NRIP1: variants seen among roughly 807,000 people sequenced by gnomAD.
The protein encoded by NRIP1 is nuclear receptor-interacting protein 1.
NRIP1 carries 28 observed loss-of-function variants against 75.0 expected under a neutral mutation model. That is an observed-to-expected ratio of 0.37 (90% confidence interval 0.28 to 0.51). NRIP1 has a LOEUF of 0.51. Among genes scored for constraint, NRIP1 ranks in the 20% least tolerant of loss-of-function variants. The probability of loss-of-function intolerance (pLI) is 0.92; values close to 1 mark genes in which losing one functional copy is unlikely to be tolerated. For missense variants in NRIP1, 1,435 were observed against 1,343.7 expected, an observed-to-expected ratio of 1.07 and a Z score of -1.06; for synonymous variants, 526 against 487.6, an observed-to-expected ratio of 1.08 and a Z score of -1.04.
At chr21:15,065,428 G>C (rs907910371), upstream of NRIP1, among the ~76,000 whole-genome samples, 1 of 152,056 alleles carries the variant, frequency 6.6e-6, no homozygotes, top group Non-Finnish European at 1.5e-5. Flanking sequence ...GCGCTCTTGG[G>C]ACCCAGGCCG....
Position 14,964,949 on chromosome 21 carries a change from G to A in NRIP1, c.3244C>T (p.Arg1082Ter). ...LQKGGNSVTS[R>*]ETQDKDIWRE... is the part of the protein sequence containing the mutation. ...CAAATGTCCTTGTCTTGTGTTTCTC[G>A]ACTGGTAACAGAATTGCCTCCTTTT... Residue 1082 changes from arginine (R) to a stop codon, truncating the protein, a stop_gained, in exon 4 of 4, where the codon CGA becomes TGA. Coordinates refer to ENST00000318948, the MANE Select transcript of NRIP1 (RefSeq NM_003489.4). LOFTEE classifies it high-confidence loss of function. 5 of 1,613,836 alleles carry A rather than the reference G, an allele frequency of 3.1e-6. No homozygotes were observed. Among genetic ancestry groups the A allele is most frequent in the Non-Finnish European group, 4.2e-6 (5 of 1,179,864 alleles).
At chr21:15,004,117 A>C (rs2087911612) in intron 3 of NRIP1, among the ~76,000 whole-genome samples, 1 of 152,164 alleles carries the variant, frequency 6.6e-6, no homozygotes, top group Non-Finnish European at 1.5e-5. Flanking sequence ...TAGGAGAAAA[A>C]TCCTTCAGAA....
At chr21:15,037,195 T>A (rs933389201) in intron 2 of NRIP1, among the ~76,000 whole-genome samples, 1 of 152,202 alleles carries the variant, frequency 6.6e-6, no homozygotes, top group African/African-American at 2.4e-5. Flanking sequence ...AGTACTGTCA[T>A]AATTACCCAT....
chr21:15,025,497 G>A (rs1463733376), intron 2 of NRIP1, among the ~76,000 whole-genome samples: 2 of 152,034 alleles, frequency 1.3e-5, no homozygotes, highest in Non-Finnish European at 2.9e-5. Flanking sequence ...AGCACACACT[G>A]ATACAAATAA....
chr21:14,967,093 T>C lies in NRIP1; in HGVS notation c.1100A>G (p.Glu367Gly). The change falls in exon 4 of 4, where the codon GAA (glutamate) becomes GGA (glycine). Residue 367 changes from glutamate (E) to glycine (G), a missense_variant. Transcript: ENST00000318948. ...PKNAGYKNSLERNNIKQAANN... is the reference protein window; with the variant it reads ...PKNAGYKNSLGRNNIKQAANN... ...AGCAGCTTGTTTTATATTGTTTCTT[T>C]CCAGTGAGTTCTTATAACCTGCATT... is the stretch of plus-strand genomic sequence containing the variant. 6.2e-7 allele frequency: 1 copy of C among 1,614,122 alleles called. No homozygotes were observed. The highest frequency in any genetic ancestry group is 8.5e-7 in the Non-Finnish European group (1 of 1,180,010).
intron 2 of NRIP1, among the ~76,000 whole-genome samples, chr21:15,040,860 A>AT (rs1421215196): frequency 1.3e-5 from 2 of 152,122 alleles, no homozygotes; most frequent in Admixed American, 1.3e-4. Context: ...TCAAAGAAAA[A>AT]TAAGTCTCTC....
rs1467691869 is a variant in NRIP1, at chr21:15,064,918, G to A, written c.-711C>T. 1 of 148,484 alleles carries A rather than the reference G, an allele frequency of 6.7e-6. No homozygotes were observed. The highest frequency in any genetic ancestry group is 1.5e-5 in the Non-Finnish European group (1 of 66,544). The allele number at this position is 148,484 out of a possible 1,614,324, so 9.2% of individuals were successfully genotyped here. On this transcript the variant is annotated 5_prime_UTR_variant, in exon 1 of 4. Transcript: ENST00000318948. ...GACGGGCGCGCGCGGGTGGCGGGCG[G>A]GCGTGGGGCCGGGTCGTCCCTGCGC...
chr21:14,965,020 G>A lies in NRIP1; in HGVS notation c.3173C>T (p.Ser1058Phe), dbSNP rs760303942. The A allele has an allele frequency of 2.5e-6, 4 of 1,613,936 alleles. No individual in the cohort carries two copies. Among genetic ancestry groups the A allele is most frequent in the African/African-American group, 1.3e-5 (1 of 74,990 alleles). ...TGGGTTGGTTTTGGTCAATCTTGGA[G>A]AGTCTTTTTCATACTCATTCTTCTC... The part of the protein sequence containing the change: ...DAEKNEYEKD[S>F]PRLTKTNPIL... The change falls in exon 4 of 4, where the codon TCT (serine) becomes TTT (phenylalanine). Residue 1058 changes from serine to phenylalanine, a missense_variant. Coordinates refer to ENST00000318948, the MANE Select transcript of NRIP1 (RefSeq NM_003489.4).
intron 2 of NRIP1, among the ~76,000 whole-genome samples, chr21:15,040,414 G>C (rs1238128848): frequency 2.6e-5 from 4 of 151,958 alleles, no homozygotes; most frequent in Non-Finnish European, 4.4e-5. Context: ...CTATAGGAAA[G>C]ACCTAGAAAA....
chr21:14,964,848 T>C lies in NRIP1; in HGVS notation c.3345A>G (p.Lys1115=), dbSNP rs767093836. The C allele has an allele frequency of 1.2e-6, 2 of 1,613,482 alleles. No homozygotes were observed. Among genetic ancestry groups the C allele is most frequent in the East Asian group, 4.5e-5 (2 of 44,868 alleles). The change falls in exon 4 of 4, where the codon AAA becomes AAG. Residue 1115 remains lysine (K), a synonymous_variant. Coordinates refer to ENST00000318948, the MANE Select transcript of NRIP1 (RefSeq NM_003489.4). ...KEELLPTAET[K]ASFFNLRSPY... The stretch of plus-strand genomic sequence containing the variant: ...GGCTTCTTAAATTAAAGAAAGAAGC[T>C]TTCGTTTCTGCAGTAGGAAGTAACT...
intron 3 of NRIP1, among the ~76,000 whole-genome samples, chr21:14,973,235 AG>A (rs1296993659): frequency 1.2e-4 from 19 of 152,224 alleles, no homozygotes; most frequent in African/African-American, 4.6e-4. Flanking sequence ...GAAGAACCAA[AG>A]GAAGTAAAAA....
chr21:15,031,342 C>T (rs1170546497), intron 2 of NRIP1, among the ~76,000 whole-genome samples: 53 of 136,624 alleles, frequency 3.9e-4, no homozygotes, highest in African/African-American at 1.0e-3. Context: ...GGAAGGCGCT[C>T]GGAGGATCAC....
intron 3 of NRIP1, among the ~76,000 whole-genome samples, chr21:14,987,750 G>A (rs938121311): frequency 6.6e-6 from 1 of 152,102 alleles, no homozygotes; most frequent in South Asian, 2.1e-4. Flanking sequence ...ACCCTTCCTC[G>A]AATGAAATAC....
intron 3 of NRIP1, among the ~76,000 whole-genome samples, chr21:14,998,244 A>G (rs1366866784): frequency 6.6e-6 from 1 of 152,164 alleles, no homozygotes; most frequent in East Asian, 1.9e-4. Context: ...TTTTGGATGG[A>G]CCTTCTCAGT....
chr21:15,018,140 T>A (rs1025225499), intron 2 of NRIP1, among the ~76,000 whole-genome samples: 4 of 152,192 alleles, frequency 2.6e-5, no homozygotes, highest in Non-Finnish European at 4.4e-5. Context: ...AACTTCATCA[T>A]AATTATATTA....
At chr21:15,000,763 A>G (rs2087831102) in intron 3 of NRIP1, among the ~76,000 whole-genome samples, 2 of 152,206 alleles carry the variant, frequency 1.3e-5, no homozygotes, top group South Asian at 4.1e-4. Flanking sequence ...AGAAAAACCC[A>G]CAAAACTAGG....
In NRIP1 at chr21:14,973,465, C is replaced by T. The variant is rs114507061; in HGVS notation, c.-334-4939G>A. ...GAACACTAAAAATGCATATATACAA[C>T]GAGAAAAAAGTAAAACCTACACAAT... On this transcript the variant is annotated intron_variant, in intron 3 of 3. Transcript: ENST00000318948. Among the ~76,000 whole-genome samples, 674 of 151,636 alleles carry T rather than the reference C, an allele frequency of 4.4e-3. 7 individuals are homozygous for T. The highest frequency in any genetic ancestry group is 0.015 in the African/African-American group (609 of 41,344).
Position 14,964,963 on chromosome 21 carries a change from T to A in NRIP1, c.3230A>T (p.Asn1077Ile). ...TTGTGTTTCTCGACTGGTAACAGAATTGCCTCCTTTTTGAAGCATGTAATA... is the reference window on the plus strand; with the variant it reads ...TTGTGTTTCTCGACTGGTAACAGAAATGCCTCCTTTTTGAAGCATGTAATA... ...ILYYMLQKGG[N>I]SVTSRETQDK... Residue 1077 changes from asparagine (N) to isoleucine (I), a missense_variant, in exon 4 of 4, where the codon AAT becomes ATT. By Grantham distance (149) the Asn-to-Ile change is moderately radical. Transcript: ENST00000318948. 1 of 1,613,998 alleles carries A rather than the reference T, an allele frequency of 6.2e-7. No individual in the cohort carries two copies. The highest frequency in any genetic ancestry group is 8.5e-7 in the Non-Finnish European group (1 of 1,179,904).
At chr21:14,986,992 C>T (rs1164281303) in intron 3 of NRIP1, among the ~76,000 whole-genome samples, 3 of 152,186 alleles carry the variant, frequency 2.0e-5, no homozygotes, top group South Asian at 4.1e-4. Context: ...GAAAAGTCAT[C>T]TGCCTAATCA....
Sources: allele counts gnomAD v4.1 joint callset (sites outside exome capture counted in the v4.1 genomes callset), GRCh38; gene constraint gnomAD v4.1.1; transcripts MANE v1.5; gene names NCBI Gene and HGNC (gene_info 2026-07-23, HGNC 2026-07-21).